Variants in EPN2 observed in about 807,000 individuals in gnomAD.
EPN2 encodes epsin-2.
EPN2 carries 34 observed loss-of-function variants against 61.7 expected under a neutral mutation model. That is an observed-to-expected ratio of 0.55 (90% CI 0.42 to 0.73). The LOEUF is 0.73. Ranked by LOEUF, EPN2 falls within the 30% of genes least tolerant of loss-of-function variation. The pLI, the probability that EPN2 is intolerant of heterozygous loss-of-function variation, is 0.00. For synonymous variants in EPN2, 349 were observed against 353.6 expected, an observed-to-expected ratio of 0.99 and a Z score of 0.15; for missense variants, 714 against 839.2, an observed-to-expected ratio of 0.85 and a Z score of 1.84.
At chr17:19,309,609 T>C (rs1906018325) in intron 4 of EPN2, among the ~76,000 whole-genome samples, 1 of 152,206 alleles carries the variant, frequency 6.6e-6, no homozygotes, top group Non-Finnish European at 1.5e-5. Flanking sequence ...TTCTGATCCT[T>C]GTGAGGCCTG....
chr17:19,294,607 G>A (rs1356948862), intron 4 of EPN2, among the ~76,000 whole-genome samples: 2 of 152,224 alleles, frequency 1.3e-5, no homozygotes, highest in Admixed American at 6.5e-5. Context: ...GTTGAGTTTA[G>A]CAACAGTATG....
chr17:19,301,754 G>C (rs752034523), intron 4 of EPN2, among the ~76,000 whole-genome samples: 1 of 152,176 alleles, frequency 6.6e-6, no homozygotes, highest in Non-Finnish European at 1.5e-5. Flanking sequence ...CCTCCTGTCA[G>C]AGCATAGCTG....
chr17:19,312,165 T>TGAAACATCTACCCTCCC, intron 6 of EPN2, 21 bp downstream of exon 6: 2 of 1,568,428 alleles, frequency 1.3e-6, no homozygotes, highest in Non-Finnish European at 1.8e-6. Context: ...GCTGGGAGGG[T>TGAAACATCTACCCTCCC]AGATGTTTCA....
intron 1 of EPN2, among the ~76,000 whole-genome samples, chr17:19,267,635 C>CG (rs939395835): frequency 2.4e-4 from 36 of 151,778 alleles, no homozygotes; most frequent in Non-Finnish European, 4.3e-4. Flanking sequence ...CTCTGCCTCC[C>CG]GGGTTCAAGC....
intron 7 of EPN2, among the ~76,000 whole-genome samples, chr17:19,320,774 T>A (rs934733438): frequency 2.6e-5 from 4 of 152,180 alleles, no homozygotes; most frequent in Non-Finnish European, 5.9e-5. Flanking sequence ...TCTGGTTGTG[T>A]TTCTGAGCCC....
chr17:19,311,442 T>C (rs1906133372), intron 5 of EPN2, among the ~76,000 whole-genome samples: 1 of 152,086 alleles, frequency 6.6e-6, no homozygotes, highest in Non-Finnish European at 1.5e-5. Flanking sequence ...GGTAATACCA[T>C]GAGACCCTAT....
In EPN2 at chr17:19,283,729, T is replaced by G; in HGVS notation, c.595+15T>G. ...CTACCATGGCTGTGAGTAATGGAAGTGCTTCTCACCCTTTGCCAGAGCAGC... is the reference window on the plus strand; with the variant it reads ...CTACCATGGCTGTGAGTAATGGAAGGGCTTCTCACCCTTTGCCAGAGCAGC... On this transcript the variant is annotated intron_variant, in intron 3 of 10. Coordinates refer to ENST00000314728, the MANE Select transcript of EPN2 (RefSeq NM_014964.5). This position sits in a 1 kb window ranked among gnomAD's most constrained non-coding sequence, Gnocchi z 7.0. 1 of 1,548,096 alleles carries G rather than the reference T, an allele frequency of 6.5e-7. No homozygotes were observed. The highest frequency in any genetic ancestry group is 2.3e-5 in the East Asian group (1 of 44,076).
chr17:19,285,785 C>G lies in EPN2; in HGVS notation c.761C>G (p.Ala254Gly). 2 of 1,588,696 alleles carry G rather than the reference C, an allele frequency of 1.3e-6. No individual in the cohort carries two copies. The highest frequency in any genetic ancestry group is 1.7e-6 in the Non-Finnish European group (2 of 1,166,420). The stretch of plus-strand genomic sequence containing the variant: ...CCCTGCCTCACTTGTGACCGCGCAG[C>G]CCGAGGTGGGACGGCGGTTTGCTTT... ...SQPCLTCDRA[A>G]RATSPRVSSE... The change falls in exon 4 of 11, where the codon GCC (alanine) becomes GGC (glycine). Residue 254 changes from alanine to glycine, a missense_variant. Ala to Gly is a moderately conservative substitution (Grantham distance 60). Transcript: ENST00000314728. This position sits in a 1 kb window ranked among gnomAD's most constrained non-coding sequence, Gnocchi z 4.5.
intron 1 of EPN2, among the ~76,000 whole-genome samples, chr17:19,279,088 T>C (rs558394328): frequency 6.6e-6 from 1 of 152,386 alleles, no homozygotes; most frequent in East Asian, 1.9e-4. Context: ...TTTTCCTTTT[T>C]CCTGAAGTTT....
In EPN2 at chr17:19,285,551, T is replaced by C. The variant is rs1400657934; in HGVS notation, c.596-69T>C. Reference sequence around the variant, plus strand: ...CCGAGTGGCCTTGGCCCGTACCTCCTGCAGGGGCTGCTGCGCACCCTCTAA... The same window carrying C: ...CCGAGTGGCCTTGGCCCGTACCTCCCGCAGGGGCTGCTGCGCACCCTCTAA... On this transcript the variant is annotated intron_variant, in intron 3 of 10. Transcript: ENST00000314728. The surrounding 1 kb of genome is among the most constrained non-coding windows in gnomAD (Gnocchi z 4.5). 1 of 1,394,462 alleles carries C rather than the reference T, an allele frequency of 7.2e-7. No homozygotes were observed. Among genetic ancestry groups the C allele is most frequent in the African/African-American group, 1.5e-5 (1 of 67,994 alleles). 86.4% of individuals were successfully genotyped at this position (1,394,462 alleles called of 1,614,324 possible). A position where few individuals can be genotyped will look rare whatever the true frequency, so the allele number is the denominator to read the frequency against.
At chr17:19,271,166 G>C (rs1270721970) in intron 1 of EPN2, among the ~76,000 whole-genome samples, 2 of 152,074 alleles carry the variant, frequency 1.3e-5, no homozygotes, top group Non-Finnish European at 2.9e-5. Flanking sequence ...CAGGGGGGTG[G>C]TGTGGGGGCA....
At chr17:19,255,498 G>C (rs2045066070) in intron 1 of EPN2, among the ~76,000 whole-genome samples, 1 of 138,690 alleles carries the variant, frequency 7.2e-6, no homozygotes, top group African/African-American at 2.6e-5. Context: ...GTGTTCTCTG[G>C]ATTTCTTTAA....
At chr17:19,307,598 A>G (rs1197803838) in intron 4 of EPN2, among the ~76,000 whole-genome samples, 1 of 152,212 alleles carries the variant, frequency 6.6e-6, no homozygotes, top group African/African-American at 2.4e-5. Flanking sequence ...CTGCCTCGGC[A>G]TCCCGAAGTG....
At chr17:19,318,895 A>G (rs956013383) in intron 7 of EPN2, among the ~76,000 whole-genome samples, 5 of 152,018 alleles carry the variant, frequency 3.3e-5, no homozygotes, top group African/African-American at 1.2e-4. Context: ...CATGGTAGAA[A>G]GAATTCTTCC....
At chr17:19,287,872 C>T (rs2045421202) in intron 4 of EPN2, among the ~76,000 whole-genome samples, 1 of 152,186 alleles carries the variant, frequency 6.6e-6, no homozygotes, top group Non-Finnish European at 1.5e-5. Context: ...ATCTCATCCT[C>T]CCTGTGCCCC....
intron 4 of EPN2, among the ~76,000 whole-genome samples, chr17:19,287,819 A>G (rs977824430): frequency 6.6e-6 from 1 of 152,176 alleles, no homozygotes; most frequent in Non-Finnish European, 1.5e-5. Context: ...GGCGATAATC[A>G]TGAGGATGTC....
chr17:19,252,288 C>T (rs1264586371), intron 1 of EPN2, among the ~76,000 whole-genome samples: 1 of 152,168 alleles, frequency 6.6e-6, no homozygotes, highest in Non-Finnish European at 1.5e-5. Flanking sequence ...CAGTGTGGAG[C>T]ATACCTGGTT....
chr17:19,253,268 A>G (rs569147742), intron 1 of EPN2, among the ~76,000 whole-genome samples: 17 of 152,262 alleles, frequency 1.1e-4, no homozygotes, highest in Admixed American at 4.6e-4. Flanking sequence ...ATGTTTTCCA[A>G]GTTCATCCAT....
At chr17:19,259,070 C>T (rs1201404808) in intron 1 of EPN2, among the ~76,000 whole-genome samples, 2 of 152,256 alleles carry the variant, frequency 1.3e-5, no homozygotes, top group East Asian at 3.9e-4. Context: ...AATGGGGAAA[C>T]AAATATTATC....
Sources: allele counts gnomAD v4.1 joint callset (sites outside exome capture counted in the v4.1 genomes callset), GRCh38; gene constraint gnomAD v4.1.1; non-coding constraint Gnocchi (gnomAD v3.1); transcripts MANE v1.5; gene names NCBI Gene and HGNC (gene_info 2026-07-23, HGNC 2026-07-21).